The following CCSER1 variants were observed in gnomAD, a reference collection of about 807,000 sequenced individuals.
CCSER1 encodes the protein serine-rich coiled-coil domain-containing protein 1.
CCSER1 carries 41 observed loss-of-function variants against 82.0 expected under a neutral mutation model. The ratio of observed to expected loss-of-function variants is 0.50; its 90% CI spans 0.39 to 0.65. CCSER1 has a LOEUF of 0.65. CCSER1 is among the 30% of genes least tolerant of loss of function. CCSER1 has a pLI of 0.00. For synonymous variants in CCSER1, 414 were observed against 383.9 expected (o/e 1.08, Z -0.92); for missense variants, 1,119 against 1,064.2 (o/e 1.05, Z -0.72).
At chr4:91,247,725 CG>C (rs1412719366) in intron 10 of CCSER1, among the ~76,000 whole-genome samples, 1 of 151,998 alleles carries the variant, frequency 6.6e-6, no homozygotes, top group Non-Finnish European at 1.5e-5. Flanking sequence ...AAAAATTAGC[CG>C]GGTGTGGTGG....
chr4:90,460,332 A>AC lies in CCSER1; in HGVS notation c.1604-7902_1604-7901insC, dbSNP rs1289196879. Among the ~76,000 whole-genome samples, 66 of 141,332 alleles carry AC rather than the reference A, an allele frequency of 4.7e-4. 8 individuals are homozygous for AC. The highest frequency in any genetic ancestry group is 1.8e-3 in the African/African-American group (58 of 32,814). The allele number at this position is 141,332 out of a possible 152,430, so 92.7% of individuals were successfully genotyped here. ...AGAGCGAAACTCCGTCTCAAAAAAA[A>AC]AAAAAAAAAAAAACTAAGGCAAGAA... On this transcript the variant is annotated intron_variant, in intron 4 of 10. Coordinates refer to ENST00000509176, the MANE Select transcript of CCSER1 (RefSeq NM_001145065.2).
chr4:91,484,337 A>G (rs978268032), intron 10 of CCSER1, among the ~76,000 whole-genome samples: 4 of 152,134 alleles, frequency 2.6e-5, no homozygotes, highest in Admixed American at 6.6e-5. Flanking sequence ...AACTCCTCCA[A>G]GGATTTCTTG....
intron 6 of CCSER1, among the ~76,000 whole-genome samples, chr4:90,629,856 G>A (rs1448744725): frequency 6.6e-6 from 1 of 152,008 alleles, no homozygotes; most frequent in East Asian, 1.9e-4. Context: ...TTTCAAAAAG[G>A]GTAATCAGTA....
At chr4:91,335,796 A>G (rs1199491559) in intron 10 of CCSER1, among the ~76,000 whole-genome samples, 2 of 150,416 alleles carry the variant, frequency 1.3e-5, no homozygotes, top group Non-Finnish European at 3.0e-5. Flanking sequence ...AAGACAAATC[A>G]TGTTGACTAG....
chr4:91,116,541 G>C (rs1341259314), intron 10 of CCSER1, among the ~76,000 whole-genome samples: 1 of 152,194 alleles, frequency 6.6e-6, no homozygotes. Context: ...GGAGACAGTT[G>C]TGGTATCTAC....
At chr4:91,228,488 CA>C (rs1560530576) in intron 10 of CCSER1, among the ~76,000 whole-genome samples, 2 of 151,352 alleles carry the variant, frequency 1.3e-5, no homozygotes, top group Non-Finnish European at 3.0e-5. Flanking sequence ...TGAAAATAAA[CA>C]AAAAAATTTT....
At chr4:90,486,088 A>T (rs1767007434) in intron 5 of CCSER1, among the ~76,000 whole-genome samples, 1 of 152,134 alleles carries the variant, frequency 6.6e-6, no homozygotes, top group African/African-American at 2.4e-5. Flanking sequence ...GAGGTCCTTT[A>T]TTGTTTCACT....
At position 91,014,310 on chromosome 4, in the gene CCSER1, A is replaced by G. The variant is rs1163323384; in HGVS notation, c.2173-71640A>G. Among the ~76,000 whole-genome samples the G allele has an allele frequency of 1.5e-5, 2 of 134,308 alleles. 1 individual carries two copies. The highest frequency in any genetic ancestry group is 3.5e-5 in the Non-Finnish European group (2 of 57,764). 88.1% of individuals were successfully genotyped at this position (134,308 alleles called of 152,430 possible). On this transcript the variant is annotated intron_variant, in intron 9 of 10. Coordinates refer to ENST00000509176, the MANE Select transcript of CCSER1 (RefSeq NM_001145065.2). ...TATGAAAATTAAAAAAGCAAAACTTATAAGGACCAATTCTGATTGGTTTGT... is the reference window on the plus strand; with the variant it reads ...TATGAAAATTAAAAAAGCAAAACTTGTAAGGACCAATTCTGATTGGTTTGT...
At chr4:90,232,040 A>C (rs1306316947) in intron 1 of CCSER1, among the ~76,000 whole-genome samples, 1 of 152,196 alleles carries the variant, frequency 6.6e-6, no homozygotes, top group Non-Finnish European at 1.5e-5. Context: ...GAAAATGGCC[A>C]TTCTGCCCAA....
chr4:90,176,889 T>A (rs1732790585), intron 1 of CCSER1, among the ~76,000 whole-genome samples: 1 of 152,062 alleles, frequency 6.6e-6, no homozygotes, highest in South Asian at 2.1e-4. Context: ...ACAGATTAGT[T>A]AGGCTGTTGC....
At chr4:90,463,564 C>T (rs1763229481) in intron 4 of CCSER1, among the ~76,000 whole-genome samples, 2 of 152,214 alleles carry the variant, frequency 1.3e-5, no homozygotes, top group South Asian at 4.1e-4. Flanking sequence ...CTAGGTTAAG[C>T]TTTATCAGCG....
intron 10 of CCSER1, among the ~76,000 whole-genome samples, chr4:91,178,591 G>T (rs1212945165): frequency 1.3e-5 from 2 of 151,972 alleles, no homozygotes; most frequent in South Asian, 2.1e-4. Context: ...GATCTTTGTT[G>T]GTTTAAAGTC....
intron 8 of CCSER1, among the ~76,000 whole-genome samples, chr4:90,831,002 A>G (rs1761050231): frequency 6.6e-6 from 1 of 152,058 alleles, no homozygotes; most frequent in Non-Finnish European, 1.5e-5. Flanking sequence ...GTTCCCAACC[A>G]TTCTGGGCAT....
chr4:90,615,372 GT>G lies in CCSER1; in HGVS notation c.1725-12650del, dbSNP rs1242144176. Among the ~76,000 whole-genome samples, 4 of 152,260 alleles carry G rather than the reference GT, an allele frequency of 2.6e-5. No individual in the cohort carries two copies. The East Asian group carries it at 7.7e-4, about 29-fold the overall frequency. On this transcript the variant is annotated intron_variant, in intron 5 of 10. Transcript: ENST00000509176. ...AGTTGCCAGAGAGAGTGGTTCTTCTGTTTGATCTGGGTAAAATACATTAAAA... is the reference window on the plus strand; with the variant it reads ...AGTTGCCAGAGAGAGTGGTTCTTCTGTTGATCTGGGTAAAATACATTAAAA...
At chr4:91,192,129 TGAG>T (rs1274816723) in intron 10 of CCSER1, among the ~76,000 whole-genome samples, 1 of 152,230 alleles carries the variant, frequency 6.6e-6, no homozygotes. Context: ...TTCTTTCCTG[TGAG>T]ACATTATCTT....
chr4:91,457,636 C>T (rs1291076099), intron 10 of CCSER1, among the ~76,000 whole-genome samples: 1 of 152,106 alleles, frequency 6.6e-6, no homozygotes, highest in Non-Finnish European at 1.5e-5. Context: ...TGCCACTGCA[C>T]TCAATCTTGG....
At chr4:91,151,778 G>C (rs573252746) in intron 10 of CCSER1, among the ~76,000 whole-genome samples, 4 of 152,190 alleles carry the variant, frequency 2.6e-5, no homozygotes, top group Non-Finnish European at 2.9e-5. Flanking sequence ...ATGTAGTTGA[G>C]GGGTTTTGAG....
At chr4:90,156,123 G>C (rs1242391437) in intron 1 of CCSER1, among the ~76,000 whole-genome samples, 2 of 152,056 alleles carry the variant, frequency 1.3e-5, no homozygotes, top group African/African-American at 4.8e-5. Flanking sequence ...CCTTCATTTC[G>C]TTATGTACCC....
At chr4:90,562,618 GCCTT>G (rs1778909535) in intron 5 of CCSER1, among the ~76,000 whole-genome samples, 1 of 151,762 alleles carries the variant, frequency 6.6e-6, no homozygotes, top group Admixed American at 6.6e-5. Context: ...GCTCACGGCA[GCCTT>G]GACTTCCCAG....
Sources: allele counts gnomAD v4.1 joint callset (sites outside exome capture counted in the v4.1 genomes callset), GRCh38; gene constraint gnomAD v4.1.1; transcripts MANE v1.5; gene names NCBI Gene and HGNC (gene_info 2026-07-23, HGNC 2026-07-21).